VKORC1L1: variants seen among roughly 807,000 people sequenced by gnomAD.
The protein encoded by VKORC1L1 is vitamin K epoxide reductase complex subunit 1-like protein 1.
In VKORC1L1, 2 loss-of-function variants were observed where a neutral mutation model predicts 18.9. The observed-to-expected ratio is 0.11, with a 90% CI of 0.04 to 0.33. The LOEUF is 0.33. Among genes scored for constraint, VKORC1L1 ranks in the 10% least tolerant of loss-of-function variants. The pLI is 1.00. For synonymous variants in VKORC1L1, 96 were observed against 100.0 expected, an observed-to-expected ratio of 0.96 and a Z score of 0.24; for missense variants, 123 against 224.1, an observed-to-expected ratio of 0.55 and a Z score of 2.88.
intron 1 of VKORC1L1, among the ~76,000 whole-genome samples, chr7:65,896,158 C>T (rs1244071862): frequency 6.6e-6 from 1 of 151,592 alleles, no homozygotes; most frequent in East Asian, 1.9e-4. Context: ...CTCGCCTCAG[C>T]CTCCCAAAGT....
Position 65,958,192 on chromosome 7 carries a change from G to T in VKORC1L1, c.*3892G>T, listed in dbSNP as rs1290995868. ...CATCAAACAAAAAGGGCAAGGGTGG[G>T]AGCCCCGGCTACTTGGTTAAACATT... On this transcript the variant is annotated 3_prime_UTR_variant, in exon 3 of 3. Coordinates refer to ENST00000360768, the MANE Select transcript of VKORC1L1 (RefSeq NM_173517.6). The T allele has an allele frequency of 6.6e-6, 1 of 152,226 alleles. No homozygotes were observed. Among genetic ancestry groups the T allele is most frequent in the Non-Finnish European group, 1.5e-5 (1 of 68,046 alleles). 9.4% of individuals were successfully genotyped at this position (152,226 alleles called of 1,614,324 possible).
intron 1 of VKORC1L1, among the ~76,000 whole-genome samples, chr7:65,932,488 C>T (rs1191463669): frequency 6.6e-6 from 1 of 152,162 alleles, no homozygotes; most frequent in African/African-American, 2.4e-5. Context: ...ATAAATTTCT[C>T]TCTCAGCACT....
At chr7:65,908,403 A>G (rs1349535054) in intron 1 of VKORC1L1, among the ~76,000 whole-genome samples, 3 of 152,056 alleles carry the variant, frequency 2.0e-5, no homozygotes, top group Non-Finnish European at 2.9e-5. Flanking sequence ...ACAGAGCAAG[A>G]CTCCATCTCA....
chr7:65,955,151 A>G lies in VKORC1L1; in HGVS notation c.*851A>G, dbSNP rs749238136. On this transcript the variant is annotated 3_prime_UTR_variant, in exon 3 of 3. Transcript: ENST00000360768. ...GGCCTTCAGACACTAAGGATGGGAA[A>G]ATGGGTATTTTTCTTTGGAGAAAAG... 4 of 152,188 alleles carry G rather than the reference A, an allele frequency of 2.6e-5. No individual in the cohort carries two copies. The highest frequency in any genetic ancestry group is 6.6e-5 in the Admixed American group (1 of 15,266). 9.4% of individuals were successfully genotyped at this position (152,188 alleles called of 1,614,324 possible).
the VKORC1L1 span, among the ~76,000 whole-genome samples, chr7:65,867,491 C>G: frequency 6.6e-6 from 1 of 151,534 alleles, no homozygotes; most frequent in Non-Finnish European, 1.5e-5. Flanking sequence ...TGACTGGGTT[C>G]AGGTAGGTGA....
rs1790359694 is a variant in VKORC1L1, at chr7:65,959,413, G to C, written c.*5113G>C. On this transcript the variant is annotated 3_prime_UTR_variant, in exon 3 of 3. Transcript: ENST00000360768. ...CTAAAAGTTTTATTCATTATACTTT[G>C]ACATACTGGAACACAAAACTTGATT... 2 of 152,114 alleles carry C rather than the reference G, an allele frequency of 1.3e-5. No individual in the cohort carries two copies. Among genetic ancestry groups the C allele is most frequent in the Non-Finnish European group, 1.5e-5 (1 of 68,020 alleles). The allele number at this position is 152,114 out of a possible 1,614,324, so 9.4% of individuals were successfully genotyped here.
chr7:65,880,308 G>A (rs1226259262), intron 1 of VKORC1L1, among the ~76,000 whole-genome samples: 1 of 152,158 alleles, frequency 6.6e-6, no homozygotes, highest in Non-Finnish European at 1.5e-5. Flanking sequence ...CCTGTTTAGA[G>A]CACTCTTTGG....
At chr7:65,895,355 G>T (rs941787940) in intron 1 of VKORC1L1, among the ~76,000 whole-genome samples, 1 of 149,016 alleles carries the variant, frequency 6.7e-6, no homozygotes, top group Non-Finnish European at 1.5e-5. Context: ...CAGGCACAGT[G>T]GCTCATGCCT....
intron 1 of VKORC1L1, among the ~76,000 whole-genome samples, chr7:65,914,503 A>G (rs915718193): frequency 6.6e-6 from 1 of 151,944 alleles, no homozygotes; most frequent in Admixed American, 6.6e-5. Flanking sequence ...TCCCTTTGCA[A>G]TCTTACCTCA....
rs915258646 is a variant in VKORC1L1 at position 65,955,138 on chromosome 7, C to G, written c.*838C>G. 2 of 152,060 alleles carry G rather than the reference C, an allele frequency of 1.3e-5. No individual in the cohort carries two copies. The highest frequency in any genetic ancestry group is 2.9e-5 in the Non-Finnish European group (2 of 68,038). The allele number at this position is 152,060 out of a possible 1,614,324, so 9.4% of individuals were successfully genotyped here. A position where few individuals can be genotyped will look rare whatever the true frequency, so the allele number is the denominator to read the frequency against. On this transcript the variant is annotated 3_prime_UTR_variant, in exon 3 of 3. Transcript: ENST00000360768. The stretch of plus-strand genomic sequence containing the variant: ...CCTTCAAGTCCAAGGCCTTCAGACA[C>G]TAAGGATGGGAAAATGGGTATTTTT...
At chr7:65,928,619 C>T (rs1326515299) in intron 1 of VKORC1L1, among the ~76,000 whole-genome samples, 1 of 152,070 alleles carries the variant, frequency 6.6e-6, no homozygotes, top group Non-Finnish European at 1.5e-5. Flanking sequence ...TGGTATGTAC[C>T]AGTGTATTCA....
At chr7:65,952,778 C>T (rs1025973538) in intron 2 of VKORC1L1, among the ~76,000 whole-genome samples, 11 of 86,614 alleles carry the variant, frequency 1.3e-4, no homozygotes, top group East Asian at 3.9e-4. Flanking sequence ...TTTTTTTTTC[C>T]TTTTTTTTTT....
upstream of VKORC1L1, among the ~76,000 whole-genome samples, chr7:65,872,782 G>C (rs184886728): frequency 1.5e-3 from 233 of 152,264 alleles, no homozygotes; most frequent in African/African-American, 5.4e-3. Flanking sequence ...GGGTTGATTT[G>C]GATTGGGTCA....
chr7:65,899,508 A>T (rs895618357), intron 1 of VKORC1L1, among the ~76,000 whole-genome samples: 1 of 152,112 alleles, frequency 6.6e-6, no homozygotes, highest in African/African-American at 2.4e-5. Context: ...TTCCAGTAGG[A>T]TTTTTGACTA....
intron 1 of VKORC1L1, among the ~76,000 whole-genome samples, chr7:65,898,077 GTT>G (rs71051319): frequency 0.011 from 914 of 82,640 alleles, 1 homozygote; most frequent in East Asian, 0.033. Context: ...TTTGTAGCAG[GTT>G]TTTTTTTTTT....
intron 1 of VKORC1L1, among the ~76,000 whole-genome samples, chr7:65,887,805 ATT>A (rs1371142387): frequency 6.6e-6 from 1 of 152,016 alleles, no homozygotes; most frequent in East Asian, 1.9e-4. Flanking sequence ...GCCTTTTTTA[ATT>A]TTGTTTTTTT....
intron 1 of VKORC1L1, among the ~76,000 whole-genome samples, chr7:65,910,947 T>A (rs1352468518): frequency 6.6e-6 from 1 of 152,208 alleles, no homozygotes; most frequent in Non-Finnish European, 1.5e-5. Flanking sequence ...GTACATTTGG[T>A]TTATAAATGC....
rs993857077 is a variant in VKORC1L1 at position 65,873,140 on chromosome 7, C to G, written c.-232C>G. On this transcript the variant is annotated 5_prime_UTR_variant, in exon 1 of 3. Coordinates refer to ENST00000360768, the MANE Select transcript of VKORC1L1 (RefSeq NM_173517.6). ...TCCACCCCCTCCCTCCGCGCCCGCGCGCGCCTTCCCCGCCCCGTCCGCCTC... is the reference window on the plus strand; with the variant it reads ...TCCACCCCCTCCCTCCGCGCCCGCGGGCGCCTTCCCCGCCCCGTCCGCCTC... 8.7e-6 allele frequency: 3 copies of G among 345,326 alleles called. No homozygotes were observed. The highest frequency in any genetic ancestry group is 6.7e-5 in the African/African-American group (3 of 44,826). The allele number at this position is 345,326 out of a possible 1,614,324, so 21.4% of individuals were successfully genotyped here.
chr7:65,877,680 C>A (rs1788852474), intron 1 of VKORC1L1, among the ~76,000 whole-genome samples: 1 of 152,074 alleles, frequency 6.6e-6, no homozygotes, highest in Non-Finnish European at 1.5e-5. Context: ...TAGGTATTTT[C>A]TATATATAAG....
Sources: allele counts gnomAD v4.1 joint callset (sites outside exome capture counted in the v4.1 genomes callset), GRCh38; gene constraint gnomAD v4.1.1; transcripts MANE v1.5; gene names NCBI Gene and HGNC (gene_info 2026-07-23, HGNC 2026-07-21).